PLEKHA8: variants seen among roughly 807,000 people sequenced by gnomAD.
PLEKHA8 encodes pleckstrin homology domain containing A8.
PLEKHA8 carries 36 observed loss-of-function variants against 68.2 expected under a neutral mutation model. The observed-to-expected ratio is 0.53, with a 90% CI of 0.40 to 0.70. The LOEUF is 0.70. Ranked by LOEUF, PLEKHA8 falls within the 30% of genes least tolerant of loss-of-function variation. The probability of loss-of-function intolerance (pLI) is 0.00; values close to 1 mark genes in which losing one functional copy is unlikely to be tolerated. For synonymous variants in PLEKHA8, 211 were observed against 216.1 expected, an observed-to-expected ratio of 0.98 and a Z score of 0.20; for missense variants, 505 against 615.4, an observed-to-expected ratio of 0.82 and a Z score of 1.90.
intron 1 of PLEKHA8, among the ~76,000 whole-genome samples, chr7:30,029,641 A>G (rs1451612167): frequency 1.3e-5 from 2 of 152,244 alleles, no homozygotes; most frequent in African/African-American, 4.8e-5. Context: ...CTTTTTTGGA[A>G]GTAAACTTTT....
chr7:30,090,065 TA>T, intron 12 of PLEKHA8: 3 of 1,369,118 alleles, frequency 2.2e-6, no homozygotes, highest in East Asian at 5.0e-5. Context: ...AAAAAGGAAC[TA>T]AAAAAGTATC....
rs1274837487 is a variant in PLEKHA8, at chr7:30,082,378, T to C, written c.*3591T>C. On this transcript the variant is annotated 3_prime_UTR_variant, in exon 14 of 14. Transcript: ENST00000449726. ...CCAGGAGCAGCTTCTAGCACATATG[T>C]AGAGTATCTGGCACCACCTTAGCCC... is the stretch of plus-strand genomic sequence containing the variant. 11 of 985,290 alleles carry C rather than the reference T, an allele frequency of 1.1e-5. No homozygotes were observed. The highest frequency in any genetic ancestry group is 5.2e-4 in the Middle Eastern group (1 of 1,938). 61.0% of individuals were successfully genotyped at this position (985,290 alleles called of 1,614,324 possible).
chr7:30,115,645 C>T (rs1053761259), intron 13 of PLEKHA8, among the ~76,000 whole-genome samples: 12 of 151,926 alleles, frequency 7.9e-5, no homozygotes, highest in Non-Finnish European at 1.5e-4. Flanking sequence ...TACATGCACA[C>T]ATGTACACAT....
At chr7:30,038,164 T>C (rs17325985) in intron 1 of PLEKHA8, among the ~76,000 whole-genome samples, 22,003 of 152,156 alleles carry the variant, frequency 0.14, 1,629 homozygotes, top group Middle Eastern at 0.19. Flanking sequence ...AGAGTCATTA[T>C]TGGGCCAAGA....
intron 3 of PLEKHA8, among the ~76,000 whole-genome samples, chr7:30,047,354 C>A (rs1191290273): frequency 6.6e-6 from 1 of 152,092 alleles, no homozygotes; most frequent in Admixed American, 6.5e-5. Flanking sequence ...CCAAACCAGT[C>A]CTCAGCTGAA....
chr7:30,074,266 G>C, intron 13 of PLEKHA8, 134 bp downstream of exon 13: 1 of 651,658 alleles, frequency 1.5e-6, no homozygotes, highest in Non-Finnish European at 2.6e-6. Context: ...GTGTGTGTGT[G>C]TGTGTGTATG....
exon 13 of PLEKHA8, chr7:30,090,511 C>T (rs941367376): frequency 4.4e-6 from 1 of 228,822 alleles, no homozygotes. Context: ...AGAAAAAAAG[C>T]TGGTGGTGAA....
rs150641836 is a variant in PLEKHA8 at position 30,097,655 on chromosome 7, C to T, written c.1362+23523C>T. ...GCTTGTGCATTCGTCACATAGTTCT[C>T]GTGCCGTGGTTTTCAGCTCCATCAG... On this transcript the variant is annotated intron_variant, in intron 13 of 13. Transcript: ENST00000396257. 7.2e-5 allele frequency among the ~76,000 whole-genome samples: 11 copies of T among 152,298 alleles called. No individual in the cohort carries two copies. The East Asian group carries it at 1.2e-3, about 16-fold the overall frequency.
intron 13 of PLEKHA8, among the ~76,000 whole-genome samples, chr7:30,109,543 G>A (rs1285603894): frequency 3.3e-5 from 4 of 123,016 alleles, no homozygotes; most frequent in Non-Finnish European, 4.8e-5. Context: ...AGCCAAGATC[G>A]CGCCATTGCA....
chr7:30,069,625 A>T (rs905946480), intron 12 of PLEKHA8: 1 of 152,206 alleles, frequency 6.6e-6, no homozygotes, highest in Non-Finnish European at 1.5e-5. Flanking sequence ...CCAGGTGCCA[A>T]TTCTTTCAGA....
chr7:30,129,272 G>C (rs750568691), exon 14 of PLEKHA8: 9 of 1,612,820 alleles, frequency 5.6e-6, no homozygotes, highest in Non-Finnish European at 7.6e-6. Flanking sequence ...GTAGGTGTAG[G>C]AATGTGGGTG....
chr7:30,066,581 T>C (rs1034304949), intron 12 of PLEKHA8, among the ~76,000 whole-genome samples: 8 of 152,200 alleles, frequency 5.3e-5, no homozygotes, highest in Non-Finnish European at 1.0e-4. Flanking sequence ...AAGGCAGATA[T>C]GTTTAATAAT....
chr7:30,049,586 C>A (rs62446679), intron 5 of PLEKHA8: 75,330 of 591,772 alleles, frequency 0.13, 5,131 homozygotes, highest in Middle Eastern at 0.15. Context: ...AAACATGTTT[C>A]TAATGTAGCC....
At chr7:30,070,182 A>G (rs1189503176) in intron 12 of PLEKHA8, among the ~76,000 whole-genome samples, 2 of 151,828 alleles carry the variant, frequency 1.3e-5, no homozygotes, top group African/African-American at 4.8e-5. Context: ...AAATTGCAGC[A>G]ATGATCTCAG....
chr7:30,061,085 G>A, intron 10 of PLEKHA8, 143 bp downstream of exon 10: 1 of 726,620 alleles, frequency 1.4e-6, no homozygotes, highest in Non-Finnish European at 2.3e-6. Flanking sequence ...TTCTCACACT[G>A]TGAATGCTCA....
chr7:30,095,692 A>C (rs918142718), downstream of PLEKHA8, among the ~76,000 whole-genome samples: 2 of 152,120 alleles, frequency 1.3e-5, no homozygotes, highest in African/African-American at 4.8e-5. Flanking sequence ...ATCTTGAATT[A>C]ATTTTTGTAT....
intron 12 of PLEKHA8, among the ~76,000 whole-genome samples, chr7:30,070,877 G>T (rs1446494889): frequency 6.6e-6 from 1 of 152,178 alleles, no homozygotes; most frequent in African/African-American, 2.4e-5. Context: ...ATTCTGTCTA[G>T]CCAGGTGGGC....
chr7:30,083,291 G>T lies in PLEKHA8; in HGVS notation c.*4504G>T. ...ACTTCTGTATGTCCCTTTGTAATCC[G>T]CAGTTGCTTACTCAGGGGTTTCATA... On this transcript the variant is annotated 3_prime_UTR_variant, in exon 14 of 14. Transcript: ENST00000449726. The T allele has an allele frequency of 6.1e-6, 6 of 984,296 alleles. No homozygotes were observed. Among genetic ancestry groups the T allele is most frequent in the Non-Finnish European group, 7.2e-6 (6 of 828,986 alleles). The allele number at this position is 984,296 out of a possible 1,614,324, so 61.0% of individuals were successfully genotyped here.
intron 12 of PLEKHA8, among the ~76,000 whole-genome samples, 199 bp from the exon 13 acceptor site, chr7:30,073,872 C>A (rs1327313672): frequency 6.6e-6 from 1 of 151,926 alleles, no homozygotes; most frequent in Admixed American, 6.6e-5. Context: ...CACCTGTAGT[C>A]CTAGCTACTC....
Sources: gnomAD v4.1 joint callset for allele counts (sites outside exome capture counted in the v4.1 genomes callset) on GRCh38, gnomAD v4.1.1 for gene constraint, MANE v1.5 for transcripts, NCBI Gene and HGNC (gene_info 2026-07-23, HGNC 2026-07-21) for gene names.